ANKRD27: variants seen among roughly 807,000 people sequenced by gnomAD.
ANKRD27 encodes ankyrin repeat domain-containing protein 27.
In ANKRD27, 112 loss-of-function variants were observed where a neutral mutation model predicts 129.7. That is an observed-to-expected ratio of 0.86 (90% CI 0.74 to 1.01). The LOEUF is 1.01. Ranked by LOEUF, ANKRD27 falls within the 50% of genes least tolerant of loss-of-function variation. The probability of loss-of-function intolerance (pLI) is 0.00; values close to 1 mark genes in which losing one functional copy is unlikely to be tolerated. For synonymous variants in ANKRD27, 516 were observed against 511.2 expected, an observed-to-expected ratio of 1.01 and a Z score of -0.13; for missense variants, 1,258 against 1,300.5, an observed-to-expected ratio of 0.97 and a Z score of 0.50.
intron 16 of ANKRD27, 48 bp downstream of exon 16, chr19:32,626,664 G>T: frequency 1.4e-6 from 2 of 1,447,476 alleles, no homozygotes; most frequent in Non-Finnish European, 9.4e-7. Context: ...GCAGAACCAA[G>T]CTCACAGGAG....
At chr19:32,623,241 G>A (rs1035528143) in intron 17 of ANKRD27, among the ~76,000 whole-genome samples, 7 of 152,262 alleles carry the variant, frequency 4.6e-5, no homozygotes, top group African/African-American at 1.7e-4. Context: ...CTGCCTGTTG[G>A]CCTGAAACAT....
intron 25 of ANKRD27, among the ~76,000 whole-genome samples, chr19:32,603,727 G>A (rs995997374): frequency 6.6e-6 from 1 of 151,978 alleles, no homozygotes; most frequent in African/African-American, 2.4e-5. Flanking sequence ...TTTGTAGAGA[G>A]GGGGTCTCAC....
intron 1 of ANKRD27, 32 bp from the exon 2 acceptor site, chr19:32,659,077 C>T: frequency 8.5e-7 from 1 of 1,171,776 alleles, no homozygotes; most frequent in Non-Finnish European, 1.3e-6. Flanking sequence ...CAGTGAATAG[C>T]CATTTTCGAG....
chr19:32,674,808 G>T (rs865801009), intron 1 of ANKRD27, among the ~76,000 whole-genome samples: 2 of 152,050 alleles, frequency 1.3e-5, no homozygotes, highest in South Asian at 4.1e-4. Flanking sequence ...GGCTCGGAGG[G>T]TGCATTCTCC....
In ANKRD27 at chr19:32,636,744, T is replaced by A. The variant is rs868039170; in HGVS notation, c.1116+2612A>T. Among the ~76,000 whole-genome samples the A allele has an allele frequency of 8.7e-4, 112 of 128,764 alleles. 1 individual carries two copies. Among genetic ancestry groups the A allele is most frequent in the African/African-American group, 2.5e-3 (89 of 35,356 alleles). The allele number at this position is 128,764 out of a possible 152,430, so 84.5% of individuals were successfully genotyped here. ...CTCTCTATATATATATATATATTTT[T>A]TATATATATATACACATATTTGAGA... On this transcript the variant is annotated intron_variant, in intron 12 of 28. Coordinates refer to ENST00000306065, the MANE Select transcript of ANKRD27 (RefSeq NM_032139.3).
chr19:32,605,578 G>A (rs112755572), intron 24 of ANKRD27, among the ~76,000 whole-genome samples: 4 of 152,292 alleles, frequency 2.6e-5, no homozygotes, highest in African/African-American at 9.6e-5. Context: ...CACATTCCCG[G>A]TCGGTGAGGT....
Position 32,649,875 on chromosome 19 carries a change from A to G in ANKRD27, c.103-83T>C, listed in dbSNP as rs1599765615. 1.2e-5 allele frequency: 11 copies of G among 890,938 alleles called. No individual in the cohort carries two copies. The Middle Eastern group carries it at 6.6e-4, about 53-fold the overall frequency. The allele number at this position is 890,938 out of a possible 1,614,324, so 55.2% of individuals were successfully genotyped here. A position where few individuals can be genotyped will look rare whatever the true frequency, so the allele number is the denominator to read the frequency against. ...AACAAGGTGTCCCCAAAGGCGCTCC[A>G]GCTGGACACACAGCGGGACCTGCTG... On this transcript the variant is annotated intron_variant, in intron 2 of 28. Transcript: ENST00000306065.
intron 4 of ANKRD27, among the ~76,000 whole-genome samples, chr19:32,646,080 T>A (rs1273927666): frequency 6.6e-6 from 1 of 151,912 alleles, no homozygotes; most frequent in Non-Finnish European, 1.5e-5. Flanking sequence ...TACAGGTGCA[T>A]GCCACCACAC....
chr19:32,674,571 ACC>A (rs10711405), intron 1 of ANKRD27, among the ~76,000 whole-genome samples: 3 of 151,102 alleles, frequency 2.0e-5, no homozygotes, highest in South Asian at 2.1e-4. Flanking sequence ...GAATGCAGAG[ACC>A]CCCCCGCCCT....
chr19:32,640,368 A>G lies in ANKRD27; in HGVS notation c.922T>C (p.Cys308Arg), dbSNP rs1352289620. 1.2e-6 allele frequency: 2 copies of G among 1,613,872 alleles called. No individual in the cohort carries two copies. Among genetic ancestry groups the G allele is most frequent in the East Asian group, 4.5e-5 (2 of 44,896 alleles). The change falls in exon 11 of 29, where the codon TGT (cysteine) becomes CGT (arginine). Residue 308 changes from cysteine (C) to arginine (R), a missense_variant. Coordinates refer to ENST00000306065, the MANE Select transcript of ANKRD27 (RefSeq NM_032139.3). The part of the protein sequence containing the change: ...PSQRVNLETM[C>R]ADDLLSVLLY... Reference sequence around the variant, plus strand: ...AGGACTGATAGCAGATCATCAGCACACATGGTCTCCAGGTTCACTGCAAAG... The same window carrying G: ...AGGACTGATAGCAGATCATCAGCACGCATGGTCTCCAGGTTCACTGCAAAG...
intron 2 of ANKRD27, among the ~76,000 whole-genome samples, chr19:32,656,843 A>T (rs750757649): frequency 6.6e-6 from 1 of 151,990 alleles, no homozygotes; most frequent in African/African-American, 2.4e-5. Context: ...AATCCTCACC[A>T]TCAAGCAAAG....
At chr19:32,599,262 C>T (rs1971614616) in intron 28 of ANKRD27, among the ~76,000 whole-genome samples, 1 of 152,142 alleles carries the variant, frequency 6.6e-6, no homozygotes, top group African/African-American at 2.4e-5. Context: ...GCCTGGGCCA[C>T]AGAGCAAGAC....
intron 4 of ANKRD27, 73 bp from the exon 5 acceptor site, chr19:32,644,552 C>T (rs259225): frequency 0.75 from 1,160,438 of 1,555,874 alleles, 435,215 homozygotes; most frequent in African/African-American, 0.94. Context: ...TCCTACAGGG[C>T]CTAGGCCCTC....
At chr19:32,673,374 G>T (rs1967909835) in intron 1 of ANKRD27, 1 of 985,184 alleles carries the variant, frequency 1.0e-6, no homozygotes, top group Non-Finnish European at 1.2e-6. Context: ...CTGCCCCCTG[G>T]ATTTCACTCA....
At chr19:32,653,712 C>T (rs1001602368) in intron 2 of ANKRD27, among the ~76,000 whole-genome samples, 2 of 139,148 alleles carry the variant, frequency 1.4e-5, no homozygotes, top group East Asian at 2.5e-4. Flanking sequence ...CGAAGGAAGG[C>T]GCTTCGAGGC....
intron 23 of ANKRD27, among the ~76,000 whole-genome samples, 189 bp from the exon 24 acceptor site, chr19:32,606,143 T>TTTTC (rs1355930848): frequency 7.9e-6 from 1 of 127,154 alleles, no homozygotes; most frequent in Admixed American, 8.0e-5. Context: ...TCTTTTTGGT[T>TTTTC]TTTCTTTCTT....
intron 1 of ANKRD27, among the ~76,000 whole-genome samples, chr19:32,660,702 C>T (rs1967627768): frequency 6.6e-6 from 1 of 151,768 alleles, no homozygotes; most frequent in Non-Finnish European, 1.5e-5. Context: ...TTCAAGCCTT[C>T]TATTACAGCA....
rs747019433 is a variant in ANKRD27 at position 32,597,711 on chromosome 19, ATTAC to A, written c.*430_*433del. The A allele has an allele frequency of 8.4e-5, 15 of 179,236 alleles. No homozygotes were observed. Among genetic ancestry groups the A allele is most frequent in the Admixed American group, 2.2e-4 (4 of 18,582 alleles). 11.1% of individuals were successfully genotyped at this position (179,236 alleles called of 1,614,324 possible). ...GCCTCTACAGTACCATGAAACCTAA[ATTAC>A]TTACTTCTCTCCAGCTTAATCCTAG... is the stretch of plus-strand genomic sequence containing the variant. On this transcript the variant is annotated 3_prime_UTR_variant, in exon 29 of 29. Transcript: ENST00000306065.
At chr19:32,652,703 G>A (rs1468550257) in intron 2 of ANKRD27, among the ~76,000 whole-genome samples, 3 of 152,024 alleles carry the variant, frequency 2.0e-5, no homozygotes, top group Non-Finnish European at 2.9e-5. Context: ...TGAGGCGGGT[G>A]GATCACTTGA....
Sources: gnomAD v4.1 joint callset for allele counts (sites outside exome capture counted in the v4.1 genomes callset) on GRCh38, gnomAD v4.1.1 for gene constraint, MANE v1.5 for transcripts, NCBI Gene and HGNC (gene_info 2026-07-23, HGNC 2026-07-21) for gene names.